Variants in ZBTB16 observed in about 807,000 individuals in gnomAD.
The protein encoded by ZBTB16 is zinc finger and BTB domain-containing protein 16.
ZBTB16 carries 8 observed loss-of-function variants against 56.8 expected under a neutral mutation model. The observed-to-expected ratio is 0.14, with a 90% CI of 0.08 to 0.25. The LOEUF is 0.25. Among genes scored for constraint, ZBTB16 ranks in the 10% least tolerant of loss-of-function variants. The probability of loss-of-function intolerance (pLI) is 1.00; values close to 1 mark genes in which losing one functional copy is unlikely to be tolerated. For synonymous variants in ZBTB16, 363 were observed against 368.5 expected (o/e 0.98, Z 0.17); for missense variants, 625 against 903.0 (o/e 0.69, Z 3.95).
intron 3 of ZBTB16, among the ~76,000 whole-genome samples, chr11:114,172,394 G>A (rs968496718): frequency 9.2e-5 from 14 of 152,124 alleles, no homozygotes; most frequent in African/African-American, 2.4e-4. Flanking sequence ...GCTTTACTTC[G>A]TCATCTCATT....
At chr11:114,187,156 C>A in intron 4 of ZBTB16, 118 bp downstream of exon 4, 1 of 991,402 alleles carries the variant, frequency 1.0e-6, no homozygotes, top group Non-Finnish European at 1.6e-6. Flanking sequence ...ATTTCCTGGG[C>A]GAGCTGTGAG....
rs142537764 is a variant in ZBTB16 at position 114,069,066 on chromosome 11, C to T, written c.1268+4498C>T. Among the ~76,000 whole-genome samples the T allele has an allele frequency of 1.9e-3, 283 of 152,270 alleles. 1 individual carries two copies. Among genetic ancestry groups the T allele is most frequent in the African/African-American group, 6.5e-3 (271 of 41,548 alleles). ...AGCTGCAGTGGATGTCCTGCACAGA[C>T]ACCGTCGCAACTCTTGCCTGGTTCC... On this transcript the variant is annotated intron_variant, in intron 2 of 6. Coordinates refer to ENST00000335953, the MANE Select transcript of ZBTB16 (RefSeq NM_006006.6).
chr11:114,248,971 A>G (rs1365361901), intron 6 of ZBTB16, among the ~76,000 whole-genome samples: 1 of 152,154 alleles, frequency 6.6e-6, no homozygotes, highest in African/African-American at 2.4e-5. Context: ...ATGGCTGGCC[A>G]GTTAATTACT....
At chr11:114,111,202 T>C (rs1404494741) in intron 2 of ZBTB16, among the ~76,000 whole-genome samples, 1 of 148,818 alleles carries the variant, frequency 6.7e-6, no homozygotes, top group Non-Finnish European at 1.5e-5. Flanking sequence ...ATAACTTGGC[T>C]GGATCAAGAA....
intron 4 of ZBTB16, among the ~76,000 whole-genome samples, chr11:114,211,662 C>G (rs1944000365): frequency 6.6e-6 from 1 of 152,210 alleles, no homozygotes; most frequent in Non-Finnish European, 1.5e-5. Flanking sequence ...CGACCCGCCC[C>G]ATTTCCTGCT....
chr11:114,103,823 A>G (rs1940697575), intron 2 of ZBTB16, among the ~76,000 whole-genome samples: 1 of 152,138 alleles, frequency 6.6e-6, no homozygotes, highest in Non-Finnish European at 1.5e-5. Flanking sequence ...TATTTCAAAC[A>G]GAGGTGTGGG....
At chr11:114,141,555 A>C (rs1160852075) in intron 2 of ZBTB16, among the ~76,000 whole-genome samples, 2 of 152,248 alleles carry the variant, frequency 1.3e-5, no homozygotes, top group Non-Finnish European at 2.9e-5. Flanking sequence ...GTTGTTTTAC[A>C]TGCACAGTCT....
chr11:114,207,129 A>C (rs1943895507), intron 4 of ZBTB16, among the ~76,000 whole-genome samples: 1 of 152,194 alleles, frequency 6.6e-6, no homozygotes, highest in Non-Finnish European at 1.5e-5. Context: ...ATCCTAGGTA[A>C]GGATGTCTCT....
At chr11:114,204,194 T>C (rs1633539) in intron 4 of ZBTB16, among the ~76,000 whole-genome samples, 72,245 of 150,086 alleles carry the variant, frequency 0.48, 19,570 homozygotes, top group African/African-American at 0.74. Context: ...TGCTTTGTTT[T>C]CTAGGCTGGA....
intron 2 of ZBTB16, among the ~76,000 whole-genome samples, chr11:114,110,908 C>G (rs1273044040): frequency 1.3e-5 from 2 of 152,162 alleles, no homozygotes; most frequent in East Asian, 3.8e-4. Flanking sequence ...TAAATATTAA[C>G]ACCAATTGAG....
intron 2 of ZBTB16, among the ~76,000 whole-genome samples, chr11:114,130,313 G>A (rs1340189911): frequency 6.6e-6 from 1 of 152,186 alleles, no homozygotes; most frequent in Non-Finnish European, 1.5e-5. Context: ...AAACTCTCAA[G>A]GCATGTTGGA....
chr11:114,067,445 C>T (rs568420155), intron 2 of ZBTB16, among the ~76,000 whole-genome samples: 6 of 152,094 alleles, frequency 3.9e-5, no homozygotes, highest in Admixed American at 1.3e-4. Context: ...CTTACTCTGT[C>T]GCCCAGGCTG....
intron 2 of ZBTB16, among the ~76,000 whole-genome samples, chr11:114,147,381 T>C (rs1313717064): frequency 6.6e-6 from 1 of 152,248 alleles, no homozygotes; most frequent in South Asian, 2.1e-4. Context: ...AGGAAAAGTC[T>C]GTAGCTTTTT....
At chr11:114,125,861 T>C (rs1382213938) in intron 2 of ZBTB16, among the ~76,000 whole-genome samples, 4 of 152,102 alleles carry the variant, frequency 2.6e-5, no homozygotes, top group Non-Finnish European at 5.9e-5. Flanking sequence ...ACAATACGCA[T>C]CTCTTTTCAC....
chr11:114,093,322 G>A (rs1038070015), intron 2 of ZBTB16, among the ~76,000 whole-genome samples: 5 of 148,458 alleles, frequency 3.4e-5, no homozygotes, highest in African/African-American at 5.1e-5. Context: ...GGTGAACACC[G>A]TATTGCTGGG....
chr11:114,096,952 C>CA (rs1194156920), intron 2 of ZBTB16, among the ~76,000 whole-genome samples: 189 of 151,470 alleles, frequency 1.2e-3, no homozygotes, highest in East Asian at 4.8e-3. Flanking sequence ...ACACACACAC[C>CA]CCCTAAATAA....
At chr11:114,108,731 A>C (rs1733222951) in intron 2 of ZBTB16, among the ~76,000 whole-genome samples, 1 of 152,236 alleles carries the variant, frequency 6.6e-6, no homozygotes, top group Non-Finnish European at 1.5e-5. Flanking sequence ...GGCCTCTGGC[A>C]TCCTGGCATT....
chr11:114,103,070 C>T (rs575879643), intron 2 of ZBTB16, among the ~76,000 whole-genome samples: 5 of 152,312 alleles, frequency 3.3e-5, no homozygotes, highest in African/African-American at 1.2e-4. Context: ...AACTGGAGGT[C>T]TGTCAATGGC....
At chr11:114,238,811 G>A (rs539518374) in intron 4 of ZBTB16, among the ~76,000 whole-genome samples, 1 of 152,266 alleles carries the variant, frequency 6.6e-6, no homozygotes, top group Admixed American at 6.5e-5. Context: ...ACATTTGCCA[G>A]TGGTGTCTCT....
Sources: allele counts gnomAD v4.1 joint callset (sites outside exome capture counted in the v4.1 genomes callset), GRCh38; gene constraint gnomAD v4.1.1; transcripts MANE v1.5; gene names NCBI Gene and HGNC (gene_info 2026-07-23, HGNC 2026-07-21).